Variants in NRXN3 observed in about 807,000 individuals in gnomAD.
NRXN3 encodes the protein neurexin 3.
In NRXN3, 32 loss-of-function variants were observed where a neutral mutation model predicts 137.6. The observed-to-expected ratio is 0.23, with a 90% CI of 0.18 to 0.31. The LOEUF (loss-of-function observed/expected upper bound fraction) is 0.31. NRXN3 is among the 10% of genes least tolerant of loss of function. NRXN3 has a pLI of 1.00. For synonymous variants in NRXN3, 798 were observed against 784.5 expected, an observed-to-expected ratio of 1.02 and a Z score of -0.29; for missense variants, 1,574 against 2,062.5, an observed-to-expected ratio of 0.76 and a Z score of 4.59.
intron 15 of NRXN3, among the ~76,000 whole-genome samples, chr14:79,054,433 C>T (rs2099651357): frequency 6.6e-6 from 1 of 152,176 alleles, no homozygotes; most frequent in Non-Finnish European, 1.5e-5. Flanking sequence ...TGATGACCAT[C>T]TCCTACCCCA....
At chr14:78,342,909 T>C (rs1031524818) in intron 4 of NRXN3, among the ~76,000 whole-genome samples, 4 of 152,244 alleles carry the variant, frequency 2.6e-5, no homozygotes, top group South Asian at 2.1e-4. Context: ...CTTTATCTAC[T>C]CCCCCTGCCT....
intron 4 of NRXN3, among the ~76,000 whole-genome samples, chr14:78,313,093 G>A (rs1378738162): frequency 6.6e-6 from 1 of 152,190 alleles, no homozygotes; most frequent in African/African-American, 2.4e-5. Context: ...CAAGGTTAGA[G>A]TAATTTGTGG....
chr14:79,269,997 G>C (rs925542714), intron 15 of NRXN3, among the ~76,000 whole-genome samples: 6 of 152,182 alleles, frequency 3.9e-5, no homozygotes, highest in Admixed American at 1.3e-4. Flanking sequence ...TAGAATATTT[G>C]CAGCATCCAG....
At chr14:78,952,329 C>T (rs979014981) in intron 10 of NRXN3, among the ~76,000 whole-genome samples, 1 of 152,126 alleles carries the variant, frequency 6.6e-6, no homozygotes, top group Non-Finnish European at 1.5e-5. Flanking sequence ...TTGGGTTAGA[C>T]ACCCAAAGAA....
chr14:79,663,914 T>C lies in NRXN3; in HGVS notation c.3581T>C (p.Val1194Ala), dbSNP rs1353306575. ...TRNGGNATLQ[V>A]DNWPVNEHYP... ...AACGGCGGCAACGCCACCCTGCAGG[T>C]GGACAACTGGCCAGTGAATGAACAT... The change falls in exon 17 of 21, where the codon GTG becomes GCG. Residue 1194 changes from valine (V) to alanine (A), a missense_variant. This residue lies in a region of NRXN3 where 133 missense variants were observed against 241.8 expected (regional missense o/e 0.55). Coordinates refer to ENST00000335750, the MANE Select transcript of NRXN3 (RefSeq NM_001330195.2). 2 of 1,613,422 alleles carry C rather than the reference T, an allele frequency of 1.2e-6. No individual in the cohort carries two copies. The highest frequency in any genetic ancestry group is 1.7e-6 in the Non-Finnish European group (2 of 1,179,650).
chr14:78,338,503 C>A (rs1439428506), intron 4 of NRXN3, among the ~76,000 whole-genome samples: 1 of 152,094 alleles, frequency 6.6e-6, no homozygotes, highest in Non-Finnish European at 1.5e-5. Flanking sequence ...TAGCAAGCCA[C>A]CTGATGGATA....
At position 78,623,635 on chromosome 14, in the gene NRXN3, C is replaced by T. The variant is rs1170371114; in HGVS notation, c.758-21485C>T. Among the ~76,000 whole-genome samples, 8 of 152,110 alleles carry T rather than the reference C, an allele frequency of 5.3e-5. No homozygotes were observed. In the South Asian group the frequency reaches 8.3e-4, roughly 16 times the overall value. On this transcript the variant is annotated intron_variant, in intron 4 of 20. Transcript: ENST00000335750. ...AGGCTGGAGTGCAGTGGCGTGATCT[C>T]GGCTTACTGCAACCTCCGCCTCCCA...
intron 4 of NRXN3, among the ~76,000 whole-genome samples, chr14:78,458,433 G>C (rs2094817616): frequency 6.6e-6 from 1 of 152,134 alleles, no homozygotes; most frequent in South Asian, 2.1e-4. Flanking sequence ...TAATTAATTG[G>C]GGTTTTTTGG....
At chr14:78,194,389 C>T (rs147307813) in intron 1 of NRXN3, among the ~76,000 whole-genome samples, 4 of 152,306 alleles carry the variant, frequency 2.6e-5, no homozygotes, top group Non-Finnish European at 4.4e-5. Context: ...CTGGGGAGTC[C>T]AAGCTCTGAG....
chr14:78,488,233 C>A (rs565421028), intron 4 of NRXN3, among the ~76,000 whole-genome samples: 11 of 152,192 alleles, frequency 7.2e-5, no homozygotes, highest in Admixed American at 2.6e-4. Flanking sequence ...TTAATCACCT[C>A]TTTAAAAATC....
chr14:79,153,063 G>A (rs1450000185), intron 15 of NRXN3, among the ~76,000 whole-genome samples: 1 of 151,972 alleles, frequency 6.6e-6, no homozygotes, highest in Non-Finnish European at 1.5e-5. Context: ...TAATAGGATA[G>A]GAAATGTTTC....
chr14:78,681,156 C>T (rs2098071577), intron 6 of NRXN3, among the ~76,000 whole-genome samples: 1 of 152,158 alleles, frequency 6.6e-6, no homozygotes, highest in Non-Finnish European at 1.5e-5. Flanking sequence ...GTGCTTGGGG[C>T]TTATGTCACA....
intron 10 of NRXN3, among the ~76,000 whole-genome samples, chr14:78,813,793 T>A (rs1343233287): frequency 6.6e-6 from 1 of 151,962 alleles, no homozygotes; most frequent in Non-Finnish European, 1.5e-5. Flanking sequence ...TCGAGAGAAA[T>A]CAATGGGCCA....
intron 16 of NRXN3, among the ~76,000 whole-genome samples, chr14:79,514,905 T>C (rs1284196657): frequency 6.6e-6 from 1 of 151,088 alleles, no homozygotes; most frequent in African/African-American, 2.5e-5. Flanking sequence ...TAGGGGGTAA[T>C]GTGCTAGGGT....
intron 15 of NRXN3, among the ~76,000 whole-genome samples, chr14:79,390,287 A>C (rs1393712633): frequency 6.7e-6 from 1 of 149,548 alleles, no homozygotes; most frequent in Admixed American, 6.8e-5. Context: ...ACTGCACTCC[A>C]GCCTGGGCAG....
intron 1 of NRXN3, among the ~76,000 whole-genome samples, chr14:78,174,247 T>C (rs1463706559): frequency 6.6e-6 from 1 of 152,002 alleles, no homozygotes; most frequent in Admixed American, 6.6e-5. Context: ...TCTGACGGGG[T>C]TACCTCCGGG....
chr14:78,576,542 G>A (rs1236028136), intron 4 of NRXN3, among the ~76,000 whole-genome samples: 2 of 152,020 alleles, frequency 1.3e-5, no homozygotes, highest in Non-Finnish European at 2.9e-5. Flanking sequence ...ATGACTCAGG[G>A]GATTTGATTC....
chr14:79,645,428 C>T (rs2098449143), intron 16 of NRXN3, among the ~76,000 whole-genome samples: 1 of 133,058 alleles, frequency 7.5e-6, no homozygotes, highest in African/African-American at 2.5e-5. Context: ...CCAGCCTGGC[C>T]AACATGGTGA....
At chr14:79,700,791 G>T (rs2098751871) in intron 19 of NRXN3, among the ~76,000 whole-genome samples, 1 of 152,024 alleles carries the variant, frequency 6.6e-6, no homozygotes, top group Non-Finnish European at 1.5e-5. Context: ...TTTGTTACAG[G>T]TAAGAGTGTA....
Sources: allele counts gnomAD v4.1 joint callset (sites outside exome capture counted in the v4.1 genomes callset), GRCh38; gene constraint gnomAD v4.1.1; regional missense constraint gnomAD v4.1.1; transcripts MANE v1.5; gene names NCBI Gene and HGNC (gene_info 2026-07-23, HGNC 2026-07-21).